ACSBG2: variants seen among roughly 807,000 people sequenced by gnomAD.
ACSBG2 encodes long-chain-fatty-acid--CoA ligase ACSBG2.
ACSBG2 carries 62 observed loss-of-function variants against 74.7 expected under a neutral mutation model. That is an observed-to-expected ratio of 0.83 (90% CI 0.68 to 1.03). The LOEUF (loss-of-function observed/expected upper bound fraction) is 1.03. Ranked by LOEUF, ACSBG2 falls within the 50% of genes least tolerant of loss-of-function variation. The probability of loss-of-function intolerance (pLI) is 0.00; values close to 1 mark genes in which losing one functional copy is unlikely to be tolerated. For synonymous variants in ACSBG2, 309 were observed against 294.1 expected (o/e 1.05, Z -0.52); for missense variants, 730 against 817.6 (o/e 0.89, Z 1.31).
At chr19:6,144,439 T>G (rs537780958) in intron 2 of ACSBG2, among the ~76,000 whole-genome samples, 22 of 152,330 alleles carry the variant, frequency 1.4e-4, no homozygotes, top group African/African-American at 5.3e-4. Context: ...TTTGCAGTGA[T>G]GCACCTACAA....
chr19:6,146,498 G>A (rs1325019459), intron 2 of ACSBG2, among the ~76,000 whole-genome samples: 1 of 151,826 alleles, frequency 6.6e-6, no homozygotes, highest in African/African-American at 2.4e-5. Context: ...AGGCGCGGTG[G>A]CTCATGCCTG....
Position 6,161,306 on chromosome 19 carries a change from G to A in ACSBG2, c.588+11G>A. Reference sequence around the variant, plus strand: ...AACAACTTGTACTCTGTAAGTGTGGGAGGTGGGCACTGGGGAAAGGGGAGG... The same window carrying A: ...AACAACTTGTACTCTGTAAGTGTGGAAGGTGGGCACTGGGGAAAGGGGAGG... On this transcript the variant is annotated intron_variant, in intron 6 of 14. Transcript: ENST00000588485. The A allele has an allele frequency of 6.2e-7, 1 of 1,610,742 alleles. No individual in the cohort carries two copies. The highest frequency in any genetic ancestry group is 8.5e-7 in the Non-Finnish European group (1 of 1,177,414).
chr19:6,143,403 CA>C (rs1291576686), intron 2 of ACSBG2, among the ~76,000 whole-genome samples: 1 of 151,718 alleles, frequency 6.6e-6, no homozygotes, highest in Non-Finnish European at 1.5e-5. Context: ...AAAACAAAAA[CA>C]AAAACAAAAA....
intron 3 of ACSBG2, among the ~76,000 whole-genome samples, chr19:6,149,504 C>CTTT (rs556996493): frequency 2.3e-5 from 3 of 127,938 alleles, no homozygotes; most frequent in African/African-American, 9.0e-5. Flanking sequence ...ACATGTGCAA[C>CTTT]TTTTTTTTTT....
intron 2 of ACSBG2, among the ~76,000 whole-genome samples, chr19:6,142,009 G>A (rs1293961816): frequency 6.6e-6 from 1 of 152,188 alleles, no homozygotes; most frequent in Non-Finnish European, 1.5e-5. Context: ...GGAATTACAG[G>A]TGTGGGCCAC....
intron 7 of ACSBG2, among the ~76,000 whole-genome samples, chr19:6,169,761 GT>G (rs1327159038): frequency 2.6e-5 from 4 of 152,152 alleles, no homozygotes; most frequent in Non-Finnish European, 5.9e-5. Flanking sequence ...TTTCATCAAT[GT>G]TTTGAAAAGT....
intron 13 of ACSBG2, 82 bp from the exon 14 acceptor site, chr19:6,190,502 G>A (rs574711075): frequency 2.0e-4 from 246 of 1,216,574 alleles, no homozygotes; most frequent in Non-Finnish European, 2.8e-4. Flanking sequence ...CCCAGGCATG[G>A]GACTCTGTTG....
chr19:6,183,204 G>C lies in ACSBG2; in HGVS notation c.1254G>C (p.Glu418Asp). 1 of 1,614,202 alleles carries C rather than the reference G, an allele frequency of 6.2e-7. No homozygotes were observed. Among genetic ancestry groups the C allele is most frequent in the Non-Finnish European group, 8.5e-7 (1 of 1,180,034 alleles). The change falls in exon 10 of 15, where the codon GAG becomes GAC. Residue 418 changes from glutamate to aspartate, a missense_variant. Glu to Asp is a conservative substitution (Grantham distance 45, BLOSUM62 2). Transcript: ENST00000588485. ...TAAGCTTGGACATACCTATAGGCGA[G>C]TTGTATGGGTTGAGTGAGAGCTCGG... ...FFLSLDIPIG[E>D]LYGLSESSGP...
intron 10 of ACSBG2, among the ~76,000 whole-genome samples, chr19:6,185,114 C>T (rs756523645): frequency 5.9e-5 from 9 of 151,686 alleles, no homozygotes; most frequent in Non-Finnish European, 1.3e-4. Flanking sequence ...TTTGTAGAGA[C>T]GGGGTCTCCG....
intron 3 of ACSBG2, among the ~76,000 whole-genome samples, chr19:6,150,484 C>T (rs192801561): frequency 3.9e-4 from 60 of 152,160 alleles, no homozygotes; most frequent in South Asian, 4.2e-4. Context: ...CGATGTGGTC[C>T]GCCCATACAA....
intron 7 of ACSBG2, chr19:6,175,765 A>C (rs185177513): frequency 1.3e-5 from 2 of 152,306 alleles, no homozygotes; most frequent in African/African-American, 4.8e-5. Flanking sequence ...TTACATCTAC[A>C]TATGCATTGG....
intron 11 of ACSBG2, among the ~76,000 whole-genome samples, chr19:6,186,577 G>C (rs1435936514): frequency 6.6e-6 from 1 of 152,182 alleles, no homozygotes; most frequent in Non-Finnish European, 1.5e-5. Flanking sequence ...AAGCAAAACT[G>C]TTGACTCAAC....
intron 4 of ACSBG2, 144 bp from the exon 5 acceptor site, chr19:6,156,287 T>G (rs111559709): frequency 1.3e-6 from 1 of 788,188 alleles, no homozygotes; most frequent in African/African-American, 1.8e-5. Context: ...TTCATCATTG[T>G]TAAGTTGGGG....
chr19:6,136,287 T>C (rs767419346), intron 1 of ACSBG2, among the ~76,000 whole-genome samples: 5 of 151,972 alleles, frequency 3.3e-5, no homozygotes, highest in Non-Finnish European at 5.9e-5. Context: ...AGAGATGGGG[T>C]TTCACCACAT....
intron 5 of ACSBG2, among the ~76,000 whole-genome samples, chr19:6,160,136 A>AT (rs1440193042): frequency 3.9e-5 from 6 of 152,156 alleles, no homozygotes; most frequent in Non-Finnish European, 7.4e-5. Flanking sequence ...CATGCCTGTA[A>AT]TCCCAGCACT....
rs913070061 is a variant in ACSBG2, at chr19:6,190,658, C to T, written c.*1C>T. ...ACAAATTGATCACATGTACCACTGACTGCTTTGATGGAGCTGCTCTCAGCT... is the reference window on the plus strand; with the variant it reads ...ACAAATTGATCACATGTACCACTGATTGCTTTGATGGAGCTGCTCTCAGCT... On this transcript the variant is annotated 3_prime_UTR_variant, in exon 14 of 15. Coordinates refer to ENST00000588485, the MANE Select transcript of ACSBG2 (RefSeq NM_030924.5). 11 of 1,613,688 alleles carry T rather than the reference C, an allele frequency of 6.8e-6. No homozygotes were observed. Among genetic ancestry groups the T allele is most frequent in the Non-Finnish European group, 7.6e-6 (9 of 1,179,724 alleles).
chr19:6,143,173 C>T lies in ACSBG2; in HGVS notation c.67+1563C>T, dbSNP rs184688901. 7.2e-5 allele frequency among the ~76,000 whole-genome samples: 11 copies of T among 152,188 alleles called. No homozygotes were observed. In the East Asian group the frequency reaches 2.1e-3, roughly 29 times the overall value. On this transcript the variant is annotated intron_variant, in intron 2 of 14. Coordinates refer to ENST00000588485, the MANE Select transcript of ACSBG2 (RefSeq NM_030924.5). Reference sequence around the variant, plus strand: ...GATTCTCATGCCTCGGCCACCCAAACAGCTGGCATTACAGTCATGCACCAC... The same window carrying T: ...GATTCTCATGCCTCGGCCACCCAAATAGCTGGCATTACAGTCATGCACCAC...
Position 6,187,794 on chromosome 19 carries a change from GA to G in ACSBG2, c.1880del (p.Lys627SerfsTer16). On this transcript the variant is annotated frameshift_variant, in exon 13 of 15. Transcript: ENST00000588485. LOFTEE classifies it high-confidence loss of function. ...QEAMNNAQRI[E>X]KWVILEKDFS... Reference sequence around the variant, plus strand: ...AGCCATGAACAATGCACAGAGGATTGAAAAGTGGGTCATCTTGGAGAAGGAC... The same window carrying G: ...AGCCATGAACAATGCACAGAGGATTGAAAGTGGGTCATCTTGGAGAAGGAC... The G allele has an allele frequency of 6.2e-7, 1 of 1,614,062 alleles. No homozygotes were observed. The highest frequency in any genetic ancestry group is 8.5e-7 in the Non-Finnish European group (1 of 1,180,038).
In ACSBG2 at chr19:6,180,468, T is replaced by C. The variant is rs1232339590; in HGVS notation, c.907-2283T>C. Among the ~76,000 whole-genome samples the C allele has an allele frequency of 2.0e-5, 3 of 152,220 alleles. No individual in the cohort carries two copies. The highest frequency in any genetic ancestry group is 1.5e-5 in the Non-Finnish European group (1 of 68,042). On this transcript the variant is annotated intron_variant, in intron 8 of 14. Transcript: ENST00000588485. The surrounding 1 kb of genome is among the most constrained non-coding windows in gnomAD (Gnocchi z 4.3). ...CCCATGCTCAGTGCCTGAGATGTGT[T>C]AGGTCTTCAATACATATTTCCTTTC...
Sources: allele counts gnomAD v4.1 joint callset (sites outside exome capture counted in the v4.1 genomes callset), GRCh38; gene constraint gnomAD v4.1.1; non-coding constraint Gnocchi (gnomAD v3.1); transcripts MANE v1.5; gene names NCBI Gene and HGNC (gene_info 2026-07-23, HGNC 2026-07-21).